DYNC2I1: variants seen among roughly 807,000 people sequenced by gnomAD.
DYNC2I1 encodes dynein 2 intermediate chain 1.
A neutral mutation model predicts 133.4 loss-of-function variants in DYNC2I1; 89 were observed. The ratio of observed to expected loss-of-function variants is 0.67; its 90% CI spans 0.56 to 0.80. The LOEUF is 0.80. Ranked by LOEUF, DYNC2I1 falls within the 30% of genes least tolerant of loss-of-function variation. The pLI is 0.00. For missense variants in DYNC2I1, 1,291 were observed against 1,314.5 expected (o/e 0.98, Z 0.28); for synonymous variants, 504 against 484.3 (o/e 1.04, Z -0.54).
chr7:158,858,989 C>T (rs1233590772), intron 1 of DYNC2I1, among the ~76,000 whole-genome samples: 2 of 87,922 alleles, frequency 2.3e-5, no homozygotes, highest in South Asian at 5.3e-4. Flanking sequence ...TCCCCTCCCC[C>T]CCTTTCCTTT....
chr7:158,864,931 A>G (rs543978383), intron 1 of DYNC2I1, among the ~76,000 whole-genome samples: 5 of 152,378 alleles, frequency 3.3e-5, no homozygotes, highest in Admixed American at 3.3e-4. Flanking sequence ...GGAGAAGCCC[A>G]CTGCCCACAG....
In DYNC2I1 at chr7:158,906,080, C is replaced by CCTT; in HGVS notation, c.1450_1452dup (p.Leu484dup). 1 of 1,613,388 alleles carries CCTT rather than the reference C, an allele frequency of 6.2e-7. No individual in the cohort carries two copies. Among genetic ancestry groups the CCTT allele is most frequent in the Non-Finnish European group, 8.5e-7 (1 of 1,179,606 alleles). On this transcript the variant is annotated inframe_insertion, in exon 11 of 25. Coordinates refer to ENST00000407559, the MANE Select transcript of DYNC2I1 (RefSeq NM_018051.5). The stretch of plus-strand genomic sequence containing the variant: ...ACCGTCAAAAGAGTCGGACTCAGGC[C>CCTT]CTTAAGCAAAAGTAGGTGTATTGGG...
At chr7:158,949,888 C>T (rs2467813), downstream of DYNC2I1, among the ~76,000 whole-genome samples, 76,006 of 151,824 alleles carry the variant, frequency 0.5, 19,450 homozygotes, top group South Asian at 0.56. Context: ...TCTTCTGCCT[C>T]AGCCTCCCAA....
chr7:158,875,623 G>A (rs1192026543), intron 3 of DYNC2I1, among the ~76,000 whole-genome samples: 1 of 152,090 alleles, frequency 6.6e-6, no homozygotes, highest in Non-Finnish European at 1.5e-5. Flanking sequence ...CTGGGCCTTG[G>A]TGCTTCAGCC....
chr7:158,941,868 C>A (rs570300292), intron 23 of DYNC2I1, 57 bp from the exon 24 acceptor site: 4 of 1,538,342 alleles, frequency 2.6e-6, no homozygotes, highest in East Asian at 4.9e-5. Flanking sequence ...CAGAGTGAGA[C>A]CCTGTCTCAA....
At chr7:158,925,181 C>G (rs981247764) in intron 17 of DYNC2I1, among the ~76,000 whole-genome samples, 3 of 152,226 alleles carry the variant, frequency 2.0e-5, no homozygotes, top group Non-Finnish European at 4.4e-5. Context: ...GGAGACCAGC[C>G]CTTTCCTCAG....
chr7:158,871,360 A>G lies in DYNC2I1; in HGVS notation c.288A>G (p.Ala96=), dbSNP rs762407712. 1.3e-6 allele frequency: 2 copies of G among 1,551,890 alleles called. No homozygotes were observed. Among genetic ancestry groups the G allele is most frequent in the Non-Finnish European group, 1.7e-6 (2 of 1,147,060 alleles). The part of the protein sequence containing the change: ...RDRQRERRRD[A]KDREKEKLKE... ...GACAGAGGGAGAGGAGAAGAGACGC[A>G]AAAGACCGGGAGAAAGAAAAGCTGA... is the stretch of plus-strand genomic sequence containing the variant. Residue 96 remains alanine, a synonymous_variant, in exon 3 of 25, where the codon GCA becomes GCG. Coordinates refer to ENST00000407559, the MANE Select transcript of DYNC2I1 (RefSeq NM_018051.5).
intron 11 of DYNC2I1, among the ~76,000 whole-genome samples, chr7:158,909,985 C>T (rs62476466): frequency 2.5e-3 from 386 of 152,128 alleles, no homozygotes; most frequent in Non-Finnish European, 4.5e-3. Flanking sequence ...AGAGCAGACC[C>T]GGTGGCCGAG....
chr7:158,865,340 C>CTG (rs1842311689), intron 1 of DYNC2I1, among the ~76,000 whole-genome samples: 1 of 152,154 alleles, frequency 6.6e-6, no homozygotes, highest in Non-Finnish European at 1.5e-5. Context: ...ATTCGGGAGG[C>CTG]AAATCAAAGG....
downstream of DYNC2I1, among the ~76,000 whole-genome samples, chr7:158,957,605 T>C (rs757487397): frequency 6.6e-6 from 1 of 152,104 alleles, no homozygotes; most frequent in Non-Finnish European, 1.5e-5. Flanking sequence ...TCTTCCTCCC[T>C]AATCTCAGCG....
chr7:158,951,520 G>A (rs1337744578), intron 4 of DYNC2I1, among the ~76,000 whole-genome samples: 2 of 152,222 alleles, frequency 1.3e-5, no homozygotes, highest in African/African-American at 2.4e-5. Flanking sequence ...GGAGAGACTG[G>A]GCGTGTTCCT....
chr7:158,889,667 A>G (rs1409556628), intron 7 of DYNC2I1, among the ~76,000 whole-genome samples: 1 of 151,962 alleles, frequency 6.6e-6, no homozygotes, highest in Non-Finnish European at 1.5e-5. Flanking sequence ...AGCCTGGGCA[A>G]CATAGGAAGT....
At chr7:158,868,474 C>T (rs1054314955) in intron 1 of DYNC2I1, among the ~76,000 whole-genome samples, 1 of 152,212 alleles carries the variant, frequency 6.6e-6, no homozygotes, top group Non-Finnish European at 1.5e-5. Flanking sequence ...AACACTTTCG[C>T]AGTAGAAACA....
chr7:158,884,335 G>A (rs932031287), intron 5 of DYNC2I1, among the ~76,000 whole-genome samples: 5 of 152,282 alleles, frequency 3.3e-5, no homozygotes, highest in African/African-American at 7.2e-5. Context: ...GTGAGCCACC[G>A]TGCCCAGCAT....
chr7:158,950,726 A>G (rs1852028971), downstream of DYNC2I1, among the ~76,000 whole-genome samples: 1 of 147,194 alleles, frequency 6.8e-6, no homozygotes, highest in African/African-American at 2.5e-5. Context: ...GGTGTTCTAT[A>G]TGATTCCAGG....
At chr7:158,904,785 C>T (rs1037973253) in intron 10 of DYNC2I1, 2 of 172,166 alleles carry the variant, frequency 1.2e-5, no homozygotes, top group South Asian at 1.4e-4. Context: ...AAGCAAGTAG[C>T]GGACAGTGCT....
At chr7:158,846,528 A>C in the DYNC2I1 span, among the ~76,000 whole-genome samples, 1 of 152,166 alleles carries the variant, frequency 6.6e-6, no homozygotes, top group Non-Finnish European at 1.5e-5. Context: ...GGAATTTTTT[A>C]AAGTTAATTA....
At chr7:158,902,810 T>C (rs1049260734) in intron 10 of DYNC2I1, 12 of 549,950 alleles carry the variant, frequency 2.2e-5, no homozygotes, top group Non-Finnish European at 3.8e-5. Context: ...CACAGAGAAG[T>C]TGCACGTCAC....
chr7:158,916,641 G>C (rs1412865536), intron 14 of DYNC2I1, among the ~76,000 whole-genome samples: 4 of 74,914 alleles, frequency 5.3e-5, no homozygotes, highest in Admixed American at 5.0e-4. Context: ...TCTACACGCT[G>C]GTTGACATTT....
Sources: allele counts gnomAD v4.1 joint callset (sites outside exome capture counted in the v4.1 genomes callset), GRCh38; gene constraint gnomAD v4.1.1; transcripts MANE v1.5; gene names NCBI Gene and HGNC (gene_info 2026-07-23, HGNC 2026-07-21).